The following AGBL4 variants were observed in gnomAD, a reference collection of about 807,000 sequenced individuals.
AGBL4 encodes the protein AGBL carboxypeptidase 4.
In AGBL4, 58 loss-of-function variants were observed where a neutral mutation model predicts 66.4. The observed-to-expected ratio is 0.87, with a 90% CI of 0.71 to 1.09. AGBL4 has a LOEUF of 1.09. Ranked by LOEUF, AGBL4 falls within the 50% of genes least tolerant of loss-of-function variation. AGBL4 has a pLI of 0.00. For synonymous variants in AGBL4, 234 were observed against 222.9 expected (o/e 1.05, Z -0.44); for missense variants, 579 against 631.0 (o/e 0.92, Z 0.88).
intron 6 of AGBL4, among the ~76,000 whole-genome samples, chr1:48,754,588 A>G (rs1457139287): frequency 2.0e-5 from 3 of 152,288 alleles, no homozygotes; most frequent in African/African-American, 7.2e-5. Flanking sequence ...AGAAAAAGGA[A>G]AAGGGGACTG....
chr1:48,584,744 TA>T (rs1452241532), intron 11 of AGBL4: 1 of 152,332 alleles, frequency 6.6e-6, no homozygotes, highest in African/African-American at 2.4e-5. Context: ...AATCTCAGTT[TA>T]GATGTCTCTT....
intron 3 of AGBL4, among the ~76,000 whole-genome samples, chr1:49,671,040 G>T (rs1418122284): frequency 6.6e-6 from 1 of 152,024 alleles, no homozygotes; most frequent in Non-Finnish European, 1.5e-5. Flanking sequence ...GCAATTATAA[G>T]CAAAAGAACA....
chr1:49,695,131 GA>G (rs979269481), intron 3 of AGBL4, among the ~76,000 whole-genome samples: 6 of 150,268 alleles, frequency 4.0e-5, no homozygotes, highest in East Asian at 3.9e-4. Flanking sequence ...GATGTGCTAT[GA>G]AAAAAAAAGA....
At chr1:49,299,810 T>A (rs1293603168) in intron 3 of AGBL4, among the ~76,000 whole-genome samples, 1 of 152,176 alleles carries the variant, frequency 6.6e-6, no homozygotes, top group Non-Finnish European at 1.5e-5. Context: ...TGAGGAACTT[T>A]CTTTCTATTC....
At chr1:49,892,447 G>C (rs750170884) in intron 1 of AGBL4, among the ~76,000 whole-genome samples, 1 of 152,078 alleles carries the variant, frequency 6.6e-6, no homozygotes, top group Non-Finnish European at 1.5e-5. Context: ...GCTAAATTAA[G>C]CACATGCAAA....
intron 5 of AGBL4, among the ~76,000 whole-genome samples, chr1:49,025,937 A>G (rs1039904349): frequency 4.6e-5 from 7 of 152,142 alleles, no homozygotes; most frequent in African/African-American, 1.7e-4. Context: ...GAGTTTTTTC[A>G]ACTTTATTGA....
chr1:49,897,351 T>C (rs767699159), intron 1 of AGBL4, among the ~76,000 whole-genome samples: 1 of 151,950 alleles, frequency 6.6e-6, no homozygotes, highest in Non-Finnish European at 1.5e-5. Context: ...TAATCCCATA[T>C]ACAATACCCA....
At chr1:49,766,891 A>G (rs920597811) in intron 2 of AGBL4, among the ~76,000 whole-genome samples, 4 of 152,160 alleles carry the variant, frequency 2.6e-5, no homozygotes, top group African/African-American at 9.7e-5. Flanking sequence ...TCAATTCAAC[A>G]AGAAGACTGA....
At chr1:48,855,383 A>G (rs954064916) in intron 6 of AGBL4, among the ~76,000 whole-genome samples, 1 of 152,238 alleles carries the variant, frequency 6.6e-6, no homozygotes, top group Non-Finnish European at 1.5e-5. Flanking sequence ...CTCAGAGACC[A>G]CAAGCACATG....
At chr1:49,699,636 G>A (rs568779609) in intron 2 of AGBL4, among the ~76,000 whole-genome samples, 7 of 151,896 alleles carry the variant, frequency 4.6e-5, no homozygotes, top group South Asian at 2.1e-4. Context: ...TAAGCCAGAC[G>A]CAAAAAGAAA....
At chr1:49,705,990 T>C (rs1477051550) in intron 2 of AGBL4, among the ~76,000 whole-genome samples, 1 of 152,176 alleles carries the variant, frequency 6.6e-6, no homozygotes, top group African/African-American at 2.4e-5. Context: ...ATCAGGGATA[T>C]TGGCCTGAAA....
chr1:48,790,489 T>C (rs533458580), intron 6 of AGBL4, among the ~76,000 whole-genome samples: 6 of 152,314 alleles, frequency 3.9e-5, no homozygotes, highest in African/African-American at 1.2e-4. Context: ...ACAGATTCTA[T>C]AGAATGAGGA....
intron 5 of AGBL4, among the ~76,000 whole-genome samples, chr1:49,025,929 G>GT (rs1472272392): frequency 1.3e-5 from 2 of 152,150 alleles, no homozygotes; most frequent in Non-Finnish European, 2.9e-5. Flanking sequence ...GAGAATGGGA[G>GT]TTTTTTCAAC....
intron 2 of AGBL4, among the ~76,000 whole-genome samples, chr1:49,755,839 G>C (rs754370615): frequency 3.9e-5 from 6 of 152,108 alleles, no homozygotes; most frequent in Non-Finnish European, 7.3e-5. Flanking sequence ...CCATATTTGT[G>C]CCAGAGTGAT....
intron 5 of AGBL4, among the ~76,000 whole-genome samples, chr1:48,868,431 T>C (rs1020062079): frequency 2.0e-5 from 3 of 152,168 alleles, no homozygotes; most frequent in African/African-American, 7.2e-5. Context: ...CTCCTGGCAA[T>C]TGTACAGGAG....
intron 6 of AGBL4, among the ~76,000 whole-genome samples, chr1:48,718,166 C>A (rs1217240522): frequency 6.6e-6 from 1 of 152,234 alleles, no homozygotes; most frequent in African/African-American, 2.4e-5. Context: ...CCCTCCAAAT[C>A]TGGCCATAGT....
At chr1:49,382,799 TA>T (rs950302412) in intron 3 of AGBL4, among the ~76,000 whole-genome samples, 7 of 152,182 alleles carry the variant, frequency 4.6e-5, no homozygotes, top group African/African-American at 1.4e-4. Context: ...TTAGAGGTAA[TA>T]AAAAAATTTA....
intron 1 of AGBL4, among the ~76,000 whole-genome samples, chr1:49,885,226 T>C (rs1647898839): frequency 6.6e-6 from 1 of 151,960 alleles, no homozygotes; most frequent in Admixed American, 6.6e-5. Context: ...AAAGTTCCAT[T>C]ATAAAGCCAT....
chr1:49,681,345 T>C (rs1276425624), intron 3 of AGBL4, among the ~76,000 whole-genome samples: 4 of 152,192 alleles, frequency 2.6e-5, no homozygotes, highest in African/African-American at 9.6e-5. Context: ...GTTTTAGCAG[T>C]GTTCTTTTAA....
Sources: gnomAD v4.1 joint callset for allele counts (sites outside exome capture counted in the v4.1 genomes callset) on GRCh38, gnomAD v4.1.1 for gene constraint, MANE v1.5 for transcripts, NCBI Gene and HGNC (gene_info 2026-07-23, HGNC 2026-07-21) for gene names.